Variants in TPRG1 observed in about 807,000 individuals in gnomAD.
TPRG1 encodes tumor protein p63-regulated gene 1 protein.
In TPRG1, 29 loss-of-function variants were observed where a neutral mutation model predicts 29.3. The observed-to-expected ratio is 0.99, with a 90% CI of 0.74 to 1.35. TPRG1 has a LOEUF of 1.35. TPRG1 is among the 40% of genes most tolerant of loss of function. The pLI is 0.00. For synonymous variants in TPRG1, 130 were observed against 116.8 expected, an observed-to-expected ratio of 1.11 and a Z score of -0.73; for missense variants, 327 against 335.0, an observed-to-expected ratio of 0.98 and a Z score of 0.19.
chr3:189,224,992 C>A (rs957649706), intron 3 of TPRG1, among the ~76,000 whole-genome samples: 2 of 147,144 alleles, frequency 1.4e-5, no homozygotes, highest in South Asian at 4.3e-4. Flanking sequence ...AGTGCAGTGG[C>A]GTGATCTCAG....
chr3:189,282,366 G>A (rs775579240), intron 4 of TPRG1, among the ~76,000 whole-genome samples: 5 of 152,088 alleles, frequency 3.3e-5, no homozygotes, highest in Non-Finnish European at 5.9e-5. Flanking sequence ...GCCAGCTCTG[G>A]TTGCTACTTC....
chr3:189,112,907 A>G (rs1017728478), intron 1 of TPRG1, among the ~76,000 whole-genome samples: 2 of 152,122 alleles, frequency 1.3e-5, no homozygotes, highest in South Asian at 2.1e-4. Flanking sequence ...TTCCAAATCT[A>G]TGAAGAAAGT....
intron 1 of TPRG1, among the ~76,000 whole-genome samples, chr3:189,197,235 G>T (rs1241924515): frequency 6.6e-6 from 1 of 152,190 alleles, no homozygotes; most frequent in African/African-American, 2.4e-5. Flanking sequence ...GGTCTCAGCT[G>T]TTGGCATTGG....
chr3:189,077,552 C>G (rs954836473), intron 4 of TPRG1, among the ~76,000 whole-genome samples: 1 of 151,962 alleles, frequency 6.6e-6, no homozygotes, highest in Non-Finnish European at 1.5e-5. Context: ...TATTTTGTTG[C>G]GGGAATGATT....
chr3:189,069,941 G>C (rs556409037), intron 4 of TPRG1, among the ~76,000 whole-genome samples: 198 of 152,202 alleles, frequency 1.3e-3, no homozygotes, highest in Non-Finnish European at 2.3e-3. Flanking sequence ...AGCTGGATGT[G>C]GTGGTGCCAC....
intron 4 of TPRG1, among the ~76,000 whole-genome samples, chr3:189,261,295 T>G (rs1429923028): frequency 6.6e-6 from 1 of 152,040 alleles, no homozygotes; most frequent in Non-Finnish European, 1.5e-5. Flanking sequence ...GAAGAAATGA[T>G]CTGGTGGAAG....
rs549649025 is a variant in TPRG1, at chr3:189,008,486, A to G, written c.-660+3726A>G. On this transcript the variant is annotated intron_variant, in intron 3 of 10. Coordinates refer to the TPRG1 transcript ENST00000433971. Reference sequence around the variant, plus strand: ...AGTTGCAAATCATAATGTAGTGGAAATAACCTTGGCCTGGGTTTCTAAAAT... The same window carrying G: ...AGTTGCAAATCATAATGTAGTGGAAGTAACCTTGGCCTGGGTTTCTAAAAT... Among the ~76,000 whole-genome samples, 66 of 152,338 alleles carry G rather than the reference A, an allele frequency of 4.3e-4. 1 individual carries two copies. In the South Asian group the frequency reaches 0.013, roughly 31 times the overall value.
chr3:189,247,027 C>T (rs184121789), intron 4 of TPRG1, among the ~76,000 whole-genome samples: 91 of 152,026 alleles, frequency 6.0e-4, no homozygotes, highest in East Asian at 4.3e-3. Context: ...CAACAAGTTT[C>T]GGAGGTTTGG....
chr3:189,224,248 G>C (rs113445581), intron 3 of TPRG1, among the ~76,000 whole-genome samples: 14,839 of 152,174 alleles, frequency 0.098, 779 homozygotes, highest in East Asian at 0.19. Context: ...TTTGGGAGGC[G>C]AAAGCGGGTG....
chr3:189,180,050 C>T (rs79976125), intron 1 of TPRG1, among the ~76,000 whole-genome samples: 11,281 of 152,130 alleles, frequency 0.074, 580 homozygotes, highest in Admixed American at 0.17. Flanking sequence ...CGGCAGCATA[C>T]GAAGAGATAG....
intron 4 of TPRG1, 72 bp from the exon 5 acceptor site, chr3:189,310,314 A>C: frequency 7.5e-7 from 1 of 1,332,400 alleles, no homozygotes; most frequent in South Asian, 1.7e-5. Flanking sequence ...AGGCTGACTG[A>C]TGTATTACAT....
intron 4 of TPRG1, among the ~76,000 whole-genome samples, chr3:189,309,039 CTAA>C (rs1722048549): frequency 2.9e-5 from 1 of 34,406 alleles, no homozygotes; most frequent in Non-Finnish European, 6.1e-5. Context: ...CTTTTTTTTC[CTAA>C]CTCTGTCTTT....
At chr3:189,098,521 G>T (rs1002175802), upstream of TPRG1, among the ~76,000 whole-genome samples, 1 of 152,112 alleles carries the variant, frequency 6.6e-6, no homozygotes, top group African/African-American at 2.4e-5. Flanking sequence ...ACGTCCAGGG[G>T]ATGGGCTTCC....
chr3:189,312,184 T>TC lies in TPRG1; in HGVS notation c.633+1645_633+1646insC, dbSNP rs1560689684. Among the ~76,000 whole-genome samples the TC allele has an allele frequency of 3.0e-3, 127 of 42,526 alleles. 7 individuals carry two copies. The highest frequency in any genetic ancestry group is 3.8e-3 in the African/African-American group (50 of 13,024). The allele number at this position is 42,526 out of a possible 152,430, so 27.9% of individuals were successfully genotyped here. On this transcript the variant is annotated intron_variant, in intron 5 of 5. Coordinates refer to ENST00000345063, the MANE Select transcript of TPRG1 (RefSeq NM_198485.4). ...TTCTTTCTTTCTTTCTTTCTTTCTT[T>TC]TTTTCTTTCTTTCTTTCTTTCTTTC...
intron 4 of TPRG1, among the ~76,000 whole-genome samples, chr3:189,056,189 G>A (rs969381429): frequency 6.6e-6 from 1 of 151,874 alleles, no homozygotes; most frequent in Admixed American, 6.6e-5. Flanking sequence ...TCTGCCTCCC[G>A]GGTCCAAGCG....
At chr3:189,230,542 T>A (rs1200944546) in intron 3 of TPRG1, among the ~76,000 whole-genome samples, 1 of 152,228 alleles carries the variant, frequency 6.6e-6, no homozygotes, top group Non-Finnish European at 1.5e-5. Context: ...TTCTGTCTCA[T>A]GGACCTCCAT....
intron 1 of TPRG1, among the ~76,000 whole-genome samples, chr3:189,112,160 A>G (rs1449096078): frequency 2.6e-5 from 4 of 152,194 alleles, no homozygotes; most frequent in African/African-American, 7.2e-5. Context: ...CCACCTGGTC[A>G]TGATGTGCTA....
At chr3:189,194,835 C>A (rs975040913) in intron 1 of TPRG1, among the ~76,000 whole-genome samples, 1 of 152,048 alleles carries the variant, frequency 6.6e-6, no homozygotes, top group African/African-American at 2.4e-5. Flanking sequence ...TACCCCAGAA[C>A]GGTGGAGCAT....
At position 189,102,828 on chromosome 3, in the gene TPRG1, A is replaced by G. The variant is rs1305577216; in HGVS notation, c.-744+2624A>G. Among the ~76,000 whole-genome samples the G allele has an allele frequency of 3.3e-5, 5 of 152,094 alleles. No individual in the cohort carries two copies. In the East Asian group the frequency reaches 9.7e-4, roughly 29 times the overall value. Reference sequence around the variant, plus strand: ...TTAATATTTCTTGCCATTTTTCCTAACACTTATTTTGCCCAATCATGGGGA... The same window carrying G: ...TTAATATTTCTTGCCATTTTTCCTAGCACTTATTTTGCCCAATCATGGGGA... On this transcript the variant is annotated intron_variant, in intron 1 of 6. Coordinates refer to the TPRG1 transcript ENST00000412373.
Sources: allele counts gnomAD v4.1 joint callset (sites outside exome capture counted in the v4.1 genomes callset), GRCh38; gene constraint gnomAD v4.1.1; transcripts MANE v1.5; gene names NCBI Gene and HGNC (gene_info 2026-07-23, HGNC 2026-07-21).